Variants in ZNF821 observed in about 807,000 individuals in gnomAD.
ZNF821 encodes zinc finger protein 821.
Under a neutral mutation model 44.3 loss-of-function variants are expected in ZNF821, and 16 were observed. The observed-to-expected ratio is 0.36, with a 90% CI of 0.24 to 0.55. ZNF821 has a LOEUF of 0.55. Among genes scored for constraint, ZNF821 ranks in the 20% least tolerant of loss-of-function variants. The probability of loss-of-function intolerance (pLI) is 0.86; values close to 1 mark genes in which losing one functional copy is unlikely to be tolerated. For synonymous variants in ZNF821, 204 were observed against 197.6 expected (o/e 1.03, Z -0.27); for missense variants, 436 against 547.6 (o/e 0.80, Z 2.03).
intron 1 of ZNF821, among the ~76,000 whole-genome samples, chr16:71,892,416 G>A (rs1372840814): frequency 5.4e-5 from 8 of 149,252 alleles, no homozygotes; most frequent in African/African-American, 2.0e-4. Flanking sequence ...ACAGGCGCCC[G>A]CCACCAAGCC....
Position 71,860,878 on chromosome 16 carries a change from C to CA in ZNF821, c.585-207dup, listed in dbSNP as rs2033788605. Among the ~76,000 whole-genome samples the CA allele has an allele frequency of 7.3e-6, 1 of 137,054 alleles. No individual in the cohort carries two copies. Among genetic ancestry groups the CA allele is most frequent in the Non-Finnish European group, 1.6e-5 (1 of 64,474 alleles). The allele number at this position is 137,054 out of a possible 152,430, so 89.9% of individuals were successfully genotyped here. A position where few individuals can be genotyped will look rare whatever the true frequency, so the allele number is the denominator to read the frequency against. ...CAACTTTTTTTTTTTTTTTTTGAGA[C>CA]AGAGTCTTGCTCTGTCGCCCAGGCT... On this transcript the variant is annotated intron_variant, in intron 7 of 7. Transcript: ENST00000425432. The surrounding 1 kb of genome is among the most constrained non-coding windows in gnomAD (Gnocchi z 7.3).
chr16:71,869,602 A>C (rs116739848), intron 3 of ZNF821, among the ~76,000 whole-genome samples: 1 of 152,280 alleles, frequency 6.6e-6, no homozygotes, highest in African/African-American at 2.4e-5. Flanking sequence ...CGGTGGAACC[A>C]AGTATTCAAA....
chr16:71,884,175 T>A lies in ZNF821; in HGVS notation c.-408A>T, dbSNP rs1415997193. ...GACGCGGGCGGCGGGAGCGCGCGGC[T>A]CGCGCACCCGCAGCTAGTGAGGCGC... On this transcript the variant is annotated 5_prime_UTR_variant, in exon 1 of 8. Coordinates refer to ENST00000425432, the MANE Select transcript of ZNF821 (RefSeq NM_001201552.2). 6.6e-6 allele frequency: 1 copy of A among 151,632 alleles called. No individual in the cohort carries two copies. Among genetic ancestry groups the A allele is most frequent in the Admixed American group, 6.6e-5 (1 of 15,250 alleles). The allele number at this position is 151,632 out of a possible 1,614,324, so 9.4% of individuals were successfully genotyped here.
chr16:71,883,114 C>G (rs773404602), intron 2 of ZNF821, 97 bp downstream of exon 2: 18 of 456,412 alleles, frequency 3.9e-5, no homozygotes, highest in South Asian at 2.8e-4. Flanking sequence ...TGCTCTCCCA[C>G]AGGTATTAGG....
At chr16:71,873,634 C>A (rs2035466376) in intron 3 of ZNF821, among the ~76,000 whole-genome samples, 1 of 152,154 alleles carries the variant, frequency 6.6e-6, no homozygotes, top group African/African-American at 2.4e-5. Context: ...TGGGTTACAG[C>A]AGTGGGATTC....
At chr16:71,883,689 C>T (rs1345896458) in intron 1 of ZNF821, 3 of 152,206 alleles carry the variant, frequency 2.0e-5, no homozygotes, top group Non-Finnish European at 4.4e-5. Context: ...GCACCCCGCG[C>T]CCCGCGCCCG....
At position 71,860,140 on chromosome 16, in the gene ZNF821, C is replaced by T; in HGVS notation, c.1117G>A (p.Ala373Thr). ...ATTTCAGCTGCTAAGGCTGCCATGG[C>T]AGAAGGGTCCTGGCCAAACTGAGCT... ...LRAQFGQDPS[A>T]MAALAAEMNF... The change falls in exon 8 of 8, where the codon GCC (alanine) becomes ACC (threonine). Residue 373 changes from alanine to threonine, a missense_variant. This residue lies in a region of ZNF821 where 55 missense variants were observed against 56.9 expected (regional missense o/e 0.97). Coordinates refer to ENST00000425432, the MANE Select transcript of ZNF821 (RefSeq NM_001201552.2). The surrounding 1 kb of genome is among the most constrained non-coding windows in gnomAD (Gnocchi z 7.3). The T allele has an allele frequency of 6.2e-7, 1 of 1,614,268 alleles. No individual in the cohort carries two copies. Among genetic ancestry groups the T allele is most frequent in the Non-Finnish European group, 8.5e-7 (1 of 1,180,048 alleles).
At chr16:71,891,982 A>G (rs61160783) in intron 1 of ZNF821, among the ~76,000 whole-genome samples, 1 of 120,744 alleles carries the variant, frequency 8.3e-6, no homozygotes, top group African/African-American at 3.3e-5. Flanking sequence ...GGCGACAGAG[A>G]GAGACTCCGT....
chr16:71,861,750 A>C (rs754926414), intron 7 of ZNF821, 26 bp downstream of exon 7: 1 of 1,612,120 alleles, frequency 6.2e-7, no homozygotes, highest in Non-Finnish European at 8.5e-7. Flanking sequence ...TGCTCCCAGC[A>C]CAACAGGGAT....
At chr16:71,871,567 T>C (rs1373777556) in intron 3 of ZNF821, among the ~76,000 whole-genome samples, 1 of 152,222 alleles carries the variant, frequency 6.6e-6, no homozygotes, top group Admixed American at 6.5e-5. Context: ...ATACTAGTGA[T>C]TAAGAAGTGT....
At chr16:71,890,936 A>C (rs1001100767) in intron 1 of ZNF821, among the ~76,000 whole-genome samples, 20 of 151,378 alleles carry the variant, frequency 1.3e-4, no homozygotes, top group African/African-American at 4.9e-4. Context: ...ACGCCCAGCT[A>C]ATTTTTTTTT....
upstream of ZNF821, among the ~76,000 whole-genome samples, chr16:71,887,833 T>C (rs983982699): frequency 2.0e-5 from 3 of 152,096 alleles, no homozygotes; most frequent in Admixed American, 6.6e-5. Context: ...TCAAATCCTT[T>C]GCCTATTTTT....
At chr16:71,877,834 C>A (rs531152918) in intron 3 of ZNF821, among the ~76,000 whole-genome samples, 1 of 151,142 alleles carries the variant, frequency 6.6e-6, no homozygotes, top group African/African-American at 2.4e-5. Flanking sequence ...GTGGGAGGAT[C>A]GCTTGAGCCC....
At position 71,860,455 on chromosome 16, in the gene ZNF821, C is replaced by G; in HGVS notation, c.802G>C (p.Glu268Gln). ...WALRRQNEPL[E>Q]VRLQRLERER... ...CGTTCCAGCCGCTGCAGCCGTACTT[C>G]CAAAGGCTCATTCTGTCGACGTAGA... is the stretch of plus-strand genomic sequence containing the variant. Residue 268 changes from glutamate to glutamine, a missense_variant, in exon 8 of 8, where the codon GAA (glutamate) becomes CAA (glutamine). Physicochemically the swap from Glu to Gln is conservative, Grantham distance 29 (BLOSUM62 2). Around this residue, in one of 5 missense-constraint regions of ZNF821, gnomAD observed 68 missense variants for 57.0 expected, o/e 1.19. Transcript: ENST00000425432. The surrounding 1 kb of genome is among the most constrained non-coding windows in gnomAD (Gnocchi z 7.3). 6.2e-7 allele frequency: 1 copy of G among 1,614,132 alleles called. No individual in the cohort carries two copies. The highest frequency in any genetic ancestry group is 8.5e-7 in the Non-Finnish European group (1 of 1,180,042).
intron 3 of ZNF821, among the ~76,000 whole-genome samples, chr16:71,874,655 T>C (rs536694777): frequency 3.5e-4 from 53 of 152,218 alleles, no homozygotes; most frequent in Middle Eastern, 6.8e-3. Context: ...GGTTTTGCCA[T>C]GTTGGCCAGG....
At chr16:71,868,968 GTT>G in intron 3 of ZNF821, among the ~76,000 whole-genome samples, 1 of 150,920 alleles carries the variant, frequency 6.6e-6, no homozygotes, top group East Asian at 1.9e-4. Context: ...GGCCAGTCCA[GTT>G]TTTTTTTAAA....
chr16:71,883,005 T>G, intron 2 of ZNF821: 2 of 427,314 alleles, frequency 4.7e-6, no homozygotes. Flanking sequence ...GATTCAGGTC[T>G]AAAGGGATTC....
Position 71,860,532 on chromosome 16 carries a change from G to T in ZNF821, c.725C>A (p.Ala242Asp). The T allele has an allele frequency of 1.2e-6, 2 of 1,614,144 alleles. No individual in the cohort carries two copies. The highest frequency in any genetic ancestry group is 1.7e-6 in the Non-Finnish European group (2 of 1,180,034). The change falls in exon 8 of 8, where the codon GCT becomes GAT. Residue 242 changes from alanine to aspartate, a missense_variant. Physicochemically the swap from Ala to Asp is moderately radical, Grantham distance 126 (BLOSUM62 -2). Transcript: ENST00000425432. This position sits in a 1 kb window ranked among gnomAD's most constrained non-coding sequence, Gnocchi z 7.3. ...AGILLVCNNC[A>D]AYRKLLEAQT... Reference sequence around the variant, plus strand: ...GGCTTCCAGCAGTTTACGGTAGGCAGCACAGTTGTTGCACACAAGCAGAAT... The same window carrying T: ...GGCTTCCAGCAGTTTACGGTAGGCATCACAGTTGTTGCACACAAGCAGAAT...
chr16:71,892,050 A>G (rs2036888998), intron 1 of ZNF821, among the ~76,000 whole-genome samples: 1 of 144,198 alleles, frequency 6.9e-6, no homozygotes, highest in Admixed American at 7.0e-5. Flanking sequence ...GGATGCCTGT[A>G]ATCCCAGCTA....
Sources: gnomAD v4.1 joint callset for allele counts (sites outside exome capture counted in the v4.1 genomes callset) on GRCh38, gnomAD v4.1.1 for gene constraint, gnomAD v4.1.1 regional missense constraint, Gnocchi (gnomAD v3.1) non-coding constraint, MANE v1.5 for transcripts, NCBI Gene and HGNC (gene_info 2026-07-23, HGNC 2026-07-21) for gene names.